CRACR2A: variants seen among roughly 807,000 people sequenced by gnomAD.
CRACR2A encodes the protein EF-hand calcium-binding domain-containing protein 4B.
In CRACR2A, 79 loss-of-function variants were observed where a neutral mutation model predicts 90.5. That is an observed-to-expected ratio of 0.87 (90% CI 0.73 to 1.05). The LOEUF is 1.05. CRACR2A is among the 50% of genes least tolerant of loss of function. The probability of loss-of-function intolerance (pLI) is 0.00; values close to 1 mark genes in which losing one functional copy is unlikely to be tolerated. For synonymous variants in CRACR2A, 338 were observed against 356.7 expected (o/e 0.95, Z 0.59); for missense variants, 823 against 897.2 (o/e 0.92, Z 1.06).
intron 15 of CRACR2A, among the ~76,000 whole-genome samples, chr12:3,631,821 G>C (rs1944380589): frequency 6.6e-6 from 1 of 152,216 alleles, no homozygotes; most frequent in Admixed American, 6.5e-5. Flanking sequence ...TTTAGGGTAG[G>C]AGAAAGAAAA....
chr12:3,670,878 C>A (rs778532802), intron 7 of CRACR2A, among the ~76,000 whole-genome samples: 17 of 152,266 alleles, frequency 1.1e-4, no homozygotes, highest in Non-Finnish European at 2.2e-4. Context: ...AGTCCCCAAT[C>A]CCAACACAGT....
chr12:3,741,717 C>T (rs1946527795), intron 1 of CRACR2A, among the ~76,000 whole-genome samples: 1 of 152,188 alleles, frequency 6.6e-6, no homozygotes, highest in African/African-American at 2.4e-5. Context: ...CTGCCCGCTT[C>T]CAGCTTCTGT....
intron 1 of CRACR2A, among the ~76,000 whole-genome samples, chr12:3,750,048 T>C (rs1440704596): frequency 2.6e-5 from 4 of 151,988 alleles, no homozygotes; most frequent in African/African-American, 9.7e-5. Flanking sequence ...CCAATTCTCC[T>C]GCTTGGCCTC....
At chr12:3,727,490 A>G (rs241975) in intron 2 of CRACR2A, 38,807 of 152,138 alleles carry the variant, frequency 0.26, 5,147 homozygotes, top group Admixed American at 0.33. Context: ...AGACCTGCGC[A>G]TGGGTTCCTT....
intron 7 of CRACR2A, among the ~76,000 whole-genome samples, chr12:3,666,364 TGCGCGTGCGCGCGCACGC>T (rs1945148306): frequency 6.7e-6 from 1 of 149,498 alleles, no homozygotes; most frequent in Non-Finnish European, 1.5e-5. Flanking sequence ...TGCGTGCGTG[TGCGCGTGCGCGCGCACGC>T]GCGCACACGC....
At chr12:3,724,379 T>A (rs1026017705) in intron 2 of CRACR2A, among the ~76,000 whole-genome samples, 3 of 152,234 alleles carry the variant, frequency 2.0e-5, no homozygotes, top group Non-Finnish European at 4.4e-5. Flanking sequence ...GCATTGTTAA[T>A]GAAAGTTTCA....
chr12:3,643,432 G>T (rs532487857), intron 12 of CRACR2A, among the ~76,000 whole-genome samples: 18 of 152,040 alleles, frequency 1.2e-4, no homozygotes, highest in Non-Finnish European at 2.4e-4. Context: ...CACTTTCCTC[G>T]CGTGACAGCG....
At chr12:3,744,676 A>C (rs1249366782) in intron 1 of CRACR2A, among the ~76,000 whole-genome samples, 10 of 152,006 alleles carry the variant, frequency 6.6e-5, no homozygotes, top group African/African-American at 2.4e-4. Flanking sequence ...TGAAGCAGAT[A>C]ATTTTTTTTT....
At chr12:3,672,854 T>A (rs1383763390) in intron 7 of CRACR2A, 1 of 963,818 alleles carries the variant, frequency 1.0e-6, no homozygotes, top group East Asian at 1.1e-4. Context: ...GCAAATAGGG[T>A]AGACGAAGAG....
intron 7 of CRACR2A, among the ~76,000 whole-genome samples, chr12:3,661,424 T>C (rs1235363982): frequency 6.6e-6 from 1 of 152,228 alleles, no homozygotes; most frequent in Non-Finnish European, 1.5e-5. Context: ...CAGCAAGAGA[T>C]GACAGTCCTC....
intron 18 of CRACR2A, among the ~76,000 whole-genome samples, 181 bp from the exon 19 acceptor site, chr12:3,617,211 G>A (rs2137262930): frequency 6.6e-6 from 1 of 152,248 alleles, no homozygotes; most frequent in South Asian, 2.1e-4. Flanking sequence ...CAGCCTCCCT[G>A]ACAATGCAAG....
chr12:3,659,793 T>G, intron 7 of CRACR2A, 139 bp from the exon 8 acceptor site: 2 of 668,824 alleles, frequency 3.0e-6, no homozygotes, highest in Non-Finnish European at 5.3e-6. Context: ...GCCAACGCTA[T>G]AAGATCAGTC....
rs533136566 is a variant in CRACR2A, at chr12:3,653,196, T to A, written c.1046+1016A>T. The stretch of plus-strand genomic sequence containing the variant: ...TGGGGTTTCACCGTGTTGGTCAGGC[T>A]GGTCTTGAACTCCTGACCTTGTAAT... On this transcript the variant is annotated intron_variant, in intron 10 of 19. Coordinates refer to ENST00000440314, the MANE Select transcript of CRACR2A (RefSeq NM_001144958.2). Among the ~76,000 whole-genome samples, 4 of 152,078 alleles carry A rather than the reference T, an allele frequency of 2.6e-5. No individual in the cohort carries two copies. The South Asian group carries it at 8.3e-4, about 32-fold the overall frequency.
intron 1 of CRACR2A, among the ~76,000 whole-genome samples, chr12:3,734,582 A>G (rs1456152733): frequency 6.6e-6 from 1 of 151,850 alleles, no homozygotes. Context: ...AAACAACCTA[A>G]GTGTCCATCA....
At chr12:3,656,441 A>G (rs1454761376) in intron 8 of CRACR2A, 35 bp from the exon 9 acceptor site, 2 of 1,598,356 alleles carry the variant, frequency 1.3e-6, no homozygotes, top group South Asian at 2.2e-5. Flanking sequence ...ACAGGACCCA[A>G]ATGTAGCACA....
At chr12:3,676,604 C>T (rs1399489073) in intron 6 of CRACR2A, among the ~76,000 whole-genome samples, 1 of 152,196 alleles carries the variant, frequency 6.6e-6, no homozygotes, top group Non-Finnish European at 1.5e-5. Flanking sequence ...TATGAGGACA[C>T]AGTGAGAAGA....
At chr12:3,692,976 G>T (rs949280403) in intron 4 of CRACR2A, among the ~76,000 whole-genome samples, 3 of 152,158 alleles carry the variant, frequency 2.0e-5, no homozygotes, top group Admixed American at 6.5e-5. Context: ...ACTGGTGAGG[G>T]TGTGGCTGGC....
At chr12:3,642,407 C>A (rs10744622) in intron 12 of CRACR2A, among the ~76,000 whole-genome samples, 116,133 of 152,030 alleles carry the variant, frequency 0.76, 44,935 homozygotes, top group East Asian at 0.93. Context: ...TGGAGATGGA[C>A]TCTTGCTATG....
chr12:3,734,629 ATG>A lies in CRACR2A; in HGVS notation c.-386-1421_-386-1420del, dbSNP rs59680765. Among the ~76,000 whole-genome samples, 91 of 149,604 alleles carry A rather than the reference ATG, an allele frequency of 6.1e-4. 1 individual carries two copies. The Middle Eastern group carries it at 0.017, about 29-fold the overall frequency. On this transcript the variant is annotated intron_variant, in intron 1 of 19. Coordinates refer to ENST00000440314, the MANE Select transcript of CRACR2A (RefSeq NM_001144958.2). Reference sequence around the variant, plus strand: ...GATAAAGAAACTGTGAGGTGTGTGTATGTGTGTGTGTGTGTGTGTGTGTGCAT... The same window carrying A: ...GATAAAGAAACTGTGAGGTGTGTGTATGTGTGTGTGTGTGTGTGTGTGCAT...
Sources: gnomAD v4.1 joint callset for allele counts (sites outside exome capture counted in the v4.1 genomes callset) on GRCh38, gnomAD v4.1.1 for gene constraint, MANE v1.5 for transcripts, NCBI Gene and HGNC (gene_info 2026-07-23, HGNC 2026-07-21) for gene names.